Variants in ADGRL4 observed in about 807,000 individuals in gnomAD.
ADGRL4 encodes the protein adhesion G protein-coupled receptor L4.
ADGRL4 carries 90 observed loss-of-function variants against 74.8 expected under a neutral mutation model. The observed-to-expected ratio is 1.20, with a 90% CI of 1.02 to 1.43. The LOEUF (loss-of-function observed/expected upper bound fraction) is 1.43, where lower values mean the gene tolerates loss of function less well. Among genes scored for constraint, ADGRL4 ranks in the 40% most tolerant of loss-of-function variants. The pLI is 0.00. For missense variants in ADGRL4, 881 were observed against 814.3 expected (o/e 1.08, Z -1.00); for synonymous variants, 311 against 279.2 (o/e 1.11, Z -1.14).
chr1:78,936,795 C>T (rs1649364950), intron 6 of ADGRL4, among the ~76,000 whole-genome samples: 1 of 152,138 alleles, frequency 6.6e-6, no homozygotes, highest in African/African-American at 2.4e-5. Flanking sequence ...ATTCCTTTGA[C>T]CTGCTGTATT....
intron 13 of ADGRL4, among the ~76,000 whole-genome samples, chr1:78,891,911 C>T (rs1648286706): frequency 6.6e-6 from 1 of 152,042 alleles, no homozygotes; most frequent in Admixed American, 6.6e-5. Context: ...GGTGTGCTTC[C>T]AAAGTCAAAT....
intron 3 of ADGRL4, among the ~76,000 whole-genome samples, chr1:78,941,148 A>C (rs1649470733): frequency 1.3e-5 from 2 of 152,180 alleles, no homozygotes; most frequent in Non-Finnish European, 2.9e-5. Context: ...CACAGAAATG[A>C]ATTAACAGAA....
chr1:79,003,382 T>C (rs527612152), intron 2 of ADGRL4, among the ~76,000 whole-genome samples: 114 of 151,948 alleles, frequency 7.5e-4, no homozygotes, highest in African/African-American at 2.7e-3. Context: ...CAAGTGTATA[T>C]GGAGTTTTTT....
chr1:78,912,337 G>T (rs1192722511), intron 12 of ADGRL4, among the ~76,000 whole-genome samples: 6 of 151,880 alleles, frequency 4.0e-5, no homozygotes, highest in Non-Finnish European at 7.4e-5. Flanking sequence ...GCCATGATGA[G>T]TTGGAAGGTC....
At chr1:78,996,177 A>C (rs1650709489) in intron 2 of ADGRL4, among the ~76,000 whole-genome samples, 1 of 152,136 alleles carries the variant, frequency 6.6e-6, no homozygotes, top group Non-Finnish European at 1.5e-5. Flanking sequence ...ATTGACAGAA[A>C]CTTTCTTGCA....
At chr1:78,960,657 C>G (rs1649932644) in intron 2 of ADGRL4, among the ~76,000 whole-genome samples, 2 of 151,994 alleles carry the variant, frequency 1.3e-5, no homozygotes, top group Non-Finnish European at 1.5e-5. Flanking sequence ...TTTTCCCACC[C>G]CCAAATTTGT....
chr1:78,920,196 G>A lies in ADGRL4; in HGVS notation c.1448C>T (p.Thr483Ile). 1 of 1,610,624 alleles carries A rather than the reference G, an allele frequency of 6.2e-7. No individual in the cohort carries two copies. The highest frequency in any genetic ancestry group is 8.5e-7 in the Non-Finnish European group (1 of 1,178,154). Residue 483 changes from threonine to isoleucine, a missense_variant, in exon 10 of 15, where the codon ACA becomes ATA. Thr to Ile is a moderately conservative substitution (Grantham distance 89). Transcript: ENST00000370742. ...AELVFLVGIN[T>I]NTNKLFCSII... The stretch of plus-strand genomic sequence containing the variant: ...ATGCCTACATACCTTATTAGTATTT[G>A]TATTGATCCCAACAAGAAAAACAAG...
intron 2 of ADGRL4, among the ~76,000 whole-genome samples, chr1:78,996,448 A>G (rs1371461309): frequency 6.6e-6 from 1 of 152,230 alleles, no homozygotes; most frequent in Non-Finnish European, 1.5e-5. Flanking sequence ...TCATAGCAGG[A>G]TATCAATGGA....
chr1:78,919,563 T>A (rs1275277274), intron 10 of ADGRL4, among the ~76,000 whole-genome samples: 1 of 151,874 alleles, frequency 6.6e-6, no homozygotes, highest in Non-Finnish European at 1.5e-5. Context: ...TCCCTCAGGA[T>A]CATACCTGAA....
intron 2 of ADGRL4, among the ~76,000 whole-genome samples, chr1:78,977,886 T>C (rs985828878): frequency 7.9e-5 from 12 of 151,870 alleles, no homozygotes; most frequent in Non-Finnish European, 1.3e-4. Flanking sequence ...GTATGTGTGG[T>C]AGAAATACTA....
intron 7 of ADGRL4, among the ~76,000 whole-genome samples, chr1:78,927,723 A>T (rs1649148660): frequency 6.6e-6 from 1 of 152,152 alleles, no homozygotes; most frequent in Admixed American, 6.6e-5. Context: ...AAATACAAAT[A>T]TTAATATCAT....
Position 78,930,731 on chromosome 1 carries a change from G to A in ADGRL4, c.878-3640C>T, listed in dbSNP as rs566490438. 9.3e-5 allele frequency among the ~76,000 whole-genome samples: 14 copies of A among 151,268 alleles called. No individual in the cohort carries two copies. In the East Asian group the frequency reaches 1.8e-3, roughly 19 times the overall value. On this transcript the variant is annotated intron_variant, in intron 7 of 14. Coordinates refer to ENST00000370742, the MANE Select transcript of ADGRL4 (RefSeq NM_022159.4). ...CACAAAGTGTTGGGATTACAGGCGC[G>A]AGCCACCGTGCTTGGTCTGGAAAAG...
intron 2 of ADGRL4, 36 bp from the exon 3 acceptor site, chr1:78,946,462 T>C: frequency 2.0e-6 from 3 of 1,517,540 alleles, no homozygotes; most frequent in Non-Finnish European, 2.7e-6. Context: ...TATTTTTATA[T>C]AATTGACATA....
intron 7 of ADGRL4, among the ~76,000 whole-genome samples, chr1:78,932,237 G>A (rs6674457): frequency 0.13 from 19,907 of 151,358 alleles, 1,654 homozygotes; most frequent in East Asian, 0.25. Context: ...TCAGATTACA[G>A]TGCATTCAAA....
At chr1:78,920,692 G>C (rs1648979381) in intron 9 of ADGRL4, among the ~76,000 whole-genome samples, 1 of 151,692 alleles carries the variant, frequency 6.6e-6, no homozygotes, top group South Asian at 2.1e-4. Context: ...CACTACATTA[G>C]AAAGGCAATC....
intron 8 of ADGRL4, among the ~76,000 whole-genome samples, chr1:78,926,177 G>A (rs372246128): frequency 4.7e-4 from 72 of 152,074 alleles, no homozygotes; most frequent in African/African-American, 1.7e-3. Context: ...CAACTTCAAG[G>A]TACTTCAAAT....
chr1:78,973,179 C>A (rs1650206132), intron 2 of ADGRL4, among the ~76,000 whole-genome samples: 1 of 151,744 alleles, frequency 6.6e-6, no homozygotes, highest in Non-Finnish European at 1.5e-5. Context: ...AGAATTAAAC[C>A]AAGAACTACT....
At chr1:78,960,387 G>T (rs1054203806) in intron 2 of ADGRL4, among the ~76,000 whole-genome samples, 2 of 151,750 alleles carry the variant, frequency 1.3e-5, no homozygotes, top group Non-Finnish European at 2.9e-5. Flanking sequence ...ATAACCATAG[G>T]CCTTTAGAAC....
intron 2 of ADGRL4, among the ~76,000 whole-genome samples, chr1:78,983,831 AAG>A (rs1282789473): frequency 1.3e-5 from 2 of 151,866 alleles, no homozygotes; most frequent in African/African-American, 2.4e-5. Flanking sequence ...ATTGCCTACG[AAG>A]AAAAAGATAC....
Sources: gnomAD v4.1 joint callset for allele counts (sites outside exome capture counted in the v4.1 genomes callset) on GRCh38, gnomAD v4.1.1 for gene constraint, MANE v1.5 for transcripts, NCBI Gene and HGNC (gene_info 2026-07-23, HGNC 2026-07-21) for gene names.